The following SHISA9 variants were observed in gnomAD, a reference collection of about 807,000 sequenced individuals.
SHISA9 encodes the protein shisa family member 9.
A neutral mutation model predicts 38.0 loss-of-function variants in SHISA9; 13 were observed. The observed-to-expected ratio is 0.34, with a 90% CI of 0.22 to 0.54. The LOEUF (loss-of-function observed/expected upper bound fraction) is 0.54, where lower values mean the gene tolerates loss of function less well. SHISA9 is among the 20% of genes least tolerant of loss of function. SHISA9 has a pLI of 0.91. For synonymous variants in SHISA9, 275 were observed against 242.0 expected, an observed-to-expected ratio of 1.14 and a Z score of -1.27; for missense variants, 538 against 575.8, an observed-to-expected ratio of 0.93 and a Z score of 0.67.
chr16:13,361,522 T>C, the SHISA9 span, among the ~76,000 whole-genome samples: 3 of 152,226 alleles, frequency 2.0e-5, no homozygotes, highest in Non-Finnish European at 4.4e-5. Context: ...ATGATGCCTT[T>C]TATAAAATGG....
chr16:13,215,920 C>T (rs2051163654), intron 4 of SHISA9, among the ~76,000 whole-genome samples: 1 of 152,180 alleles, frequency 6.6e-6, no homozygotes, highest in Admixed American at 6.5e-5. Flanking sequence ...GGTGCGGTGT[C>T]TCACACCTGT....
At chr16:13,305,236 T>A in the SHISA9 span, among the ~76,000 whole-genome samples, 1 of 152,186 alleles carries the variant, frequency 6.6e-6, no homozygotes, top group Non-Finnish European at 1.5e-5. Context: ...CTACAATCTG[T>A]CACGTGAAGT....
Position 13,124,630 on chromosome 16 carries a change from A to T in SHISA9, c.692-78764A>T, listed in dbSNP as rs528390601. On this transcript the variant is annotated intron_variant, in intron 2 of 4. Coordinates refer to ENST00000558583, the MANE Select transcript of SHISA9 (RefSeq NM_001145204.3). ...ATGTGAAGACAATCCTAAAACTTAT[A>T]TGGAACCACAAAAGACCCAGAATAG... 1.4e-3 allele frequency among the ~76,000 whole-genome samples: 212 copies of T among 152,314 alleles called. 1 individual carries two copies. The highest frequency in any genetic ancestry group is 2.3e-3 in the Non-Finnish European group (158 of 68,022).
chr16:13,102,043 C>T (rs1416141120), intron 2 of SHISA9, among the ~76,000 whole-genome samples: 3 of 152,208 alleles, frequency 2.0e-5, no homozygotes, highest in Admixed American at 2.0e-4. Context: ...GCTCCCTACT[C>T]ACCCAGCAGT....
At chr16:13,023,173 C>T (rs2072878078) in intron 2 of SHISA9, among the ~76,000 whole-genome samples, 1 of 152,188 alleles carries the variant, frequency 6.6e-6, no homozygotes, top group South Asian at 2.1e-4. Context: ...TCCCCAAGTC[C>T]CTGACCCTGC....
the SHISA9 span, among the ~76,000 whole-genome samples, chr16:13,324,057 C>T: frequency 3.9e-5 from 6 of 152,206 alleles, no homozygotes; most frequent in Non-Finnish European, 8.8e-5. Flanking sequence ...TCCTCTCTCT[C>T]TTGCTCCCTC....
At chr16:13,367,459 A>G in the SHISA9 span, among the ~76,000 whole-genome samples, 3 of 151,434 alleles carry the variant, frequency 2.0e-5, no homozygotes, top group Non-Finnish European at 4.4e-5. Flanking sequence ...CATTGTCCCT[A>G]TTTTTCAGAA....
At chr16:13,297,193 G>C in the SHISA9 span, among the ~76,000 whole-genome samples, 1 of 152,228 alleles carries the variant, frequency 6.6e-6, no homozygotes, top group East Asian at 1.9e-4. Context: ...TTATGGAATA[G>C]GCTATTTTCA....
intron 2 of SHISA9, among the ~76,000 whole-genome samples, chr16:13,023,324 C>T (rs1426673187): frequency 4.6e-5 from 7 of 152,154 alleles, no homozygotes; most frequent in Admixed American, 4.6e-4. Context: ...CCAGCTTCAT[C>T]CATGTCCCTG....
the SHISA9 span, among the ~76,000 whole-genome samples, chr16:13,280,036 C>T: frequency 6.7e-6 from 1 of 150,074 alleles, no homozygotes; most frequent in South Asian, 2.1e-4. Context: ...ATTTACTCTG[C>T]TTTAAATATT....
intron 2 of SHISA9, among the ~76,000 whole-genome samples, chr16:13,087,147 CTT>C (rs956913326): frequency 0.051 from 4,155 of 81,498 alleles, 80 homozygotes; most frequent in Admixed American, 0.13. Context: ...ATGAACTCGT[CTT>C]TTTTTTTTTT....
intron 2 of SHISA9, among the ~76,000 whole-genome samples, chr16:13,077,403 G>T (rs2073595633): frequency 2.0e-5 from 3 of 152,064 alleles, no homozygotes; most frequent in Admixed American, 2.0e-4. Context: ...GGAAGATTTT[G>T]CACACTCAAT....
At chr16:12,903,165 C>A (rs1169498089) in intron 1 of SHISA9, among the ~76,000 whole-genome samples, 1 of 152,156 alleles carries the variant, frequency 6.6e-6, no homozygotes, top group Admixed American at 6.5e-5. Context: ...GAGGGGAGGG[C>A]GAGAACAAAA....
At chr16:13,037,463 G>T (rs529487830) in intron 2 of SHISA9, among the ~76,000 whole-genome samples, 1 of 152,172 alleles carries the variant, frequency 6.6e-6, no homozygotes, top group East Asian at 1.9e-4. Flanking sequence ...TGGGGGAGGG[G>T]AGCAGCAGTG....
chr16:13,292,190 T>G, the SHISA9 span, among the ~76,000 whole-genome samples: 1 of 151,930 alleles, frequency 6.6e-6, no homozygotes, highest in Non-Finnish European at 1.5e-5. Flanking sequence ...GACCCTTGTT[T>G]CTAAGAGCGT....
the SHISA9 span, among the ~76,000 whole-genome samples, chr16:13,449,798 C>G: frequency 2.0e-5 from 3 of 152,108 alleles, no homozygotes; most frequent in Non-Finnish European, 2.9e-5. Flanking sequence ...TGGGGAGAAC[C>G]TCATTGTCTC....
At chr16:13,524,777 G>A in the SHISA9 span, among the ~76,000 whole-genome samples, 1 of 151,538 alleles carries the variant, frequency 6.6e-6, no homozygotes, top group South Asian at 2.1e-4. Flanking sequence ...ATGTTGCCAA[G>A]GCTGGTTTCG....
chr16:13,100,896 G>A (rs1053136323), intron 2 of SHISA9, among the ~76,000 whole-genome samples: 5 of 151,990 alleles, frequency 3.3e-5, no homozygotes, highest in Admixed American at 6.6e-5. Context: ...TAGTAGAGAC[G>A]GGGTTTTGCC....
chr16:13,308,996 T>C, the SHISA9 span, among the ~76,000 whole-genome samples: 33 of 152,066 alleles, frequency 2.2e-4, no homozygotes, highest in African/African-American at 7.5e-4. Context: ...AAGATAAGAG[T>C]TTCTCTAACA....
Sources: allele counts gnomAD v4.1 joint callset (sites outside exome capture counted in the v4.1 genomes callset), GRCh38; gene constraint gnomAD v4.1.1; transcripts MANE v1.5; gene names NCBI Gene and HGNC (gene_info 2026-07-23, HGNC 2026-07-21).